Variants in CD200R1L observed in about 807,000 individuals in gnomAD.
CD200R1L encodes the protein CD200 receptor 1 like, also known as cell surface glycoprotein CD200 receptor 2.
A neutral mutation model predicts 24.8 loss-of-function variants in CD200R1L; 14 were observed. The observed-to-expected ratio is 0.56, with a 90% CI of 0.37 to 0.88. The LOEUF is 0.88. Among genes scored for constraint, CD200R1L ranks in the 40% least tolerant of loss-of-function variants. The pLI, the probability that CD200R1L is intolerant of heterozygous loss-of-function variation, is 0.00. For missense variants in CD200R1L, 299 were observed against 297.8 expected, an observed-to-expected ratio of 1.00 and a Z score of -0.03; for synonymous variants, 111 against 109.2, an observed-to-expected ratio of 1.02 and a Z score of -0.11.
At chr3:112,824,401 G>A (rs1221244250) in intron 6 of CD200R1L, among the ~76,000 whole-genome samples, 2 of 152,198 alleles carry the variant, frequency 1.3e-5, no homozygotes, top group South Asian at 4.1e-4. Flanking sequence ...GCATGCAGGA[G>A]AAGCTGTCCA....
intron 3 of CD200R1L, among the ~76,000 whole-genome samples, chr3:112,836,898 T>A (rs1267430880): frequency 6.6e-6 from 1 of 152,204 alleles, no homozygotes; most frequent in Non-Finnish European, 1.5e-5. Flanking sequence ...GTTATACTTG[T>A]AAAATTTAGA....
At chr3:112,816,449 T>G (rs1938393575) in intron 7 of CD200R1L, among the ~76,000 whole-genome samples, 1 of 152,192 alleles carries the variant, frequency 6.6e-6, no homozygotes, top group Non-Finnish European at 1.5e-5. Context: ...CACTTCCACC[T>G]CATTTTGTTG....
intron 2 of CD200R1L, among the ~76,000 whole-genome samples, chr3:112,841,815 A>C (rs1939089442): frequency 6.6e-6 from 1 of 152,200 alleles, no homozygotes; most frequent in South Asian, 2.1e-4. Flanking sequence ...TCAGAGGATA[A>C]AACCATGCAC....
intron 2 of CD200R1L, among the ~76,000 whole-genome samples, chr3:112,845,458 C>A (rs1443876602): frequency 6.6e-6 from 1 of 152,156 alleles, no homozygotes; most frequent in African/African-American, 2.4e-5. Flanking sequence ...AGTTTCACTT[C>A]AATCCCAGCC....
intron 7 of CD200R1L, among the ~76,000 whole-genome samples, chr3:112,817,823 G>C (rs1274882863): frequency 6.6e-6 from 1 of 152,150 alleles, no homozygotes; most frequent in African/African-American, 2.4e-5. Context: ...TCATGCTGCT[G>C]ATAAAGACAT....
chr3:112,822,441 A>G (rs1165756441), intron 6 of CD200R1L, among the ~76,000 whole-genome samples: 1 of 152,154 alleles, frequency 6.6e-6, no homozygotes, highest in East Asian at 1.9e-4. Context: ...CTAAAAACCA[A>G]TGCCCAACAA....
intron 6 of CD200R1L, among the ~76,000 whole-genome samples, chr3:112,824,404 GC>G (rs1938610731): frequency 6.6e-6 from 1 of 152,182 alleles, no homozygotes; most frequent in African/African-American, 2.4e-5. Context: ...TGCAGGAGAA[GC>G]TGTCCAGTTG....
At chr3:112,833,137 A>G (rs1306455220) in intron 3 of CD200R1L, among the ~76,000 whole-genome samples, 1 of 152,184 alleles carries the variant, frequency 6.6e-6, no homozygotes, top group Non-Finnish European at 1.5e-5. Flanking sequence ...ACTTCCTACC[A>G]CTGAGTAGCA....
At chr3:112,816,894 T>A (rs1160054821) in intron 7 of CD200R1L, among the ~76,000 whole-genome samples, 1 of 152,132 alleles carries the variant, frequency 6.6e-6, no homozygotes, top group Non-Finnish European at 1.5e-5. Context: ...TTGCACACAC[T>A]CTCTCTTTGC....
At chr3:112,843,151 T>C (rs1022518886) in intron 2 of CD200R1L, among the ~76,000 whole-genome samples, 11 of 152,204 alleles carry the variant, frequency 7.2e-5, no homozygotes, top group Non-Finnish European at 1.5e-4. Flanking sequence ...TATTTGAGGA[T>C]ATAGTCAACA....
At chr3:112,827,795 G>A in intron 4 of CD200R1L, 111 bp from the exon 5 acceptor site, 2 of 1,032,642 alleles carry the variant, frequency 1.9e-6, no homozygotes, top group Non-Finnish European at 2.8e-6. Flanking sequence ...TAAATTTGCT[G>A]ATCTTATTCC....
intron 1 of CD200R1L, 102 bp downstream of exon 1, chr3:112,846,523 A>T (rs1939203541): frequency 6.6e-6 from 1 of 152,208 alleles, no homozygotes; most frequent in South Asian, 2.1e-4. Context: ...TTGTTGGGTT[A>T]TAAGATAGTC....
chr3:112,838,006 T>C lies in CD200R1L; in HGVS notation c.-82A>G. ...GTGTCATCAGACAGGAATTATTATC[T>C]GAGGCTAGAAAATATTTAAAGAAGA... On this transcript the variant is annotated 5_prime_UTR_variant, in exon 3 of 8. Transcript: ENST00000488794. 8.1e-7 allele frequency: 1 copy of C among 1,227,808 alleles called. No homozygotes were observed. Among genetic ancestry groups the C allele is most frequent in the Non-Finnish European group, 1.0e-6 (1 of 954,318 alleles). 76.1% of individuals were successfully genotyped at this position (1,227,808 alleles called of 1,614,324 possible).
intron 7 of CD200R1L, among the ~76,000 whole-genome samples, chr3:112,819,279 C>T (rs1028177146): frequency 1.8e-4 from 27 of 152,134 alleles, no homozygotes; most frequent in Admixed American, 9.8e-4. Flanking sequence ...CACATCAAGT[C>T]GCAAAAGAAG....
rs1466628456 is a variant in CD200R1L at position 112,819,847 on chromosome 3, T to C, written c.665A>G (p.Tyr222Cys). Reference sequence around the variant, plus strand: ...GACCACAAAAAGAGAGAGTTTCACATAAAGAATGATCAGTAAGGACAACGC... The same window carrying C: ...GACCACAAAAAGAGAGAGTTTCACACAAAGAATGATCAGTAAGGACAACGC... ...SPALSLLIIL[Y>C]VKLSLFVVIL... is the part of the protein sequence containing the mutation. Residue 222 changes from tyrosine to cysteine, a missense_variant, in exon 7 of 8, where the codon TAT becomes TGT. Transcript: ENST00000488794. The C allele has an allele frequency of 6.2e-7, 1 of 1,611,160 alleles. No individual in the cohort carries two copies. Among genetic ancestry groups the C allele is most frequent in the Admixed American group, 1.7e-5 (1 of 59,448 alleles).
chr3:112,838,224 T>C (rs974344087), intron 2 of CD200R1L, among the ~76,000 whole-genome samples: 7 of 146,344 alleles, frequency 4.8e-5, no homozygotes, highest in Admixed American at 1.3e-4. Context: ...GATTTTGACA[T>C]TTCTTTTGTA....
chr3:112,829,483 G>A, intron 3 of CD200R1L, 99 bp from the exon 4 acceptor site: 6 of 1,313,944 alleles, frequency 4.6e-6, no homozygotes, highest in Non-Finnish European at 6.3e-6. Context: ...AAGACAATTA[G>A]TTAACCATAA....
intron 3 of CD200R1L, among the ~76,000 whole-genome samples, chr3:112,833,364 T>C (rs1938857327): frequency 6.6e-6 from 1 of 152,178 alleles, no homozygotes; most frequent in Non-Finnish European, 1.5e-5. Context: ...CTCAGACAAG[T>C]CCAGTAGGAC....
At chr3:112,818,341 GA>G (rs1470837587) in intron 7 of CD200R1L, among the ~76,000 whole-genome samples, 1 of 152,152 alleles carries the variant, frequency 6.6e-6, no homozygotes, top group Non-Finnish European at 1.5e-5. Context: ...GTGTAAACAA[GA>G]AAGGGAATTG....
Sources: gnomAD v4.1 joint callset for allele counts (sites outside exome capture counted in the v4.1 genomes callset) on GRCh38, gnomAD v4.1.1 for gene constraint, MANE v1.5 for transcripts, NCBI Gene and HGNC (gene_info 2026-07-23, HGNC 2026-07-21) for gene names.